The following SLC1A1 variants were observed in gnomAD, a reference collection of about 807,000 sequenced individuals.
The protein encoded by SLC1A1 is excitatory amino acid transporter 3.
SLC1A1 carries 43 observed loss-of-function variants against 53.3 expected under a neutral mutation model. The observed-to-expected ratio is 0.81, with a 90% CI of 0.63 to 1.04. The LOEUF is 1.04. Ranked by LOEUF, SLC1A1 falls within the 50% of genes least tolerant of loss-of-function variation. The probability of loss-of-function intolerance (pLI) is 0.00; values close to 1 mark genes in which losing one functional copy is unlikely to be tolerated. For missense variants in SLC1A1, 748 were observed against 664.9 expected, an observed-to-expected ratio of 1.12 and a Z score of -1.37; for synonymous variants, 307 against 243.2, an observed-to-expected ratio of 1.26 and a Z score of -2.44.
At chr9:4,538,111 A>C (rs948688442) in intron 1 of SLC1A1, among the ~76,000 whole-genome samples, 1 of 152,200 alleles carries the variant, frequency 6.6e-6, no homozygotes, top group Non-Finnish European at 1.5e-5. Context: ...GACAGGTCTC[A>C]GTTAATTAAG....
intron 2 of SLC1A1, chr9:4,560,086 T>C (rs1471047867): frequency 6.6e-6 from 1 of 152,238 alleles, no homozygotes; most frequent in Non-Finnish European, 1.5e-5. Context: ...TGATCGTAAG[T>C]CTCTGACATT....
At chr9:4,536,073 C>T (rs964930342) in intron 1 of SLC1A1, among the ~76,000 whole-genome samples, 10 of 152,134 alleles carry the variant, frequency 6.6e-5, no homozygotes, top group Non-Finnish European at 1.5e-5. Context: ...AAATGTTAGA[C>T]CTAAAACCAT....
intron 6 of SLC1A1, among the ~76,000 whole-genome samples, chr9:4,570,924 A>C (rs1290107564): frequency 6.6e-6 from 1 of 152,062 alleles, no homozygotes; most frequent in East Asian, 1.9e-4. Flanking sequence ...TTAAAAAAAA[A>C]AAAAAGGTAA....
intron 1 of SLC1A1, among the ~76,000 whole-genome samples, chr9:4,534,309 G>C (rs907088235): frequency 6.6e-6 from 1 of 152,160 alleles, no homozygotes; most frequent in East Asian, 1.9e-4. Context: ...TTGATAGACT[G>C]CTAGCAAGAG....
intron 1 of SLC1A1, among the ~76,000 whole-genome samples, chr9:4,533,894 G>A (rs2130858377): frequency 6.6e-6 from 1 of 152,284 alleles, no homozygotes; most frequent in East Asian, 1.9e-4. Flanking sequence ...TAGAACTCAG[G>A]ATTGAGAAAC....
chr9:4,491,360 G>T (rs796996579), intron 1 of SLC1A1, among the ~76,000 whole-genome samples: 61 of 152,346 alleles, frequency 4.0e-4, no homozygotes, highest in African/African-American at 1.4e-3. Flanking sequence ...GCTCTGAAAA[G>T]CTGCCAGATT....
At chr9:4,535,457 A>T (rs1816639444) in intron 1 of SLC1A1, among the ~76,000 whole-genome samples, 1 of 152,214 alleles carries the variant, frequency 6.6e-6, no homozygotes, top group Non-Finnish European at 1.5e-5. Flanking sequence ...TCCCATTCAC[A>T]ATTGCTTCAA....
intron 6 of SLC1A1, 98 bp from the exon 7 acceptor site, chr9:4,572,106 T>C (rs1336443776): frequency 5.8e-6 from 6 of 1,027,776 alleles, no homozygotes; most frequent in African/African-American, 1.6e-5. Context: ...ATCACCAGTT[T>C]ATTATGTTTG....
rs564964253 is a variant in SLC1A1, at chr9:4,556,917, CACA to C, written c.233-4518_233-4516del. On this transcript the variant is annotated intron_variant, in intron 2 of 11. Transcript: ENST00000262352. This position sits in a 1 kb window ranked among gnomAD's most constrained non-coding sequence, Gnocchi z 4.1. ...AAAACGGCTTTGGGGGGTGGTTTTG[CACA>C]ACAACAACAACAATAAAACAAGGTT... Among the ~76,000 whole-genome samples the C allele has an allele frequency of 1.3e-3, 198 of 152,078 alleles. No individual in the cohort carries two copies. Among genetic ancestry groups the C allele is most frequent in the Non-Finnish European group, 2.4e-3 (166 of 67,958 alleles).
At chr9:4,496,010 G>A (rs1486760536) in intron 1 of SLC1A1, among the ~76,000 whole-genome samples, 1 of 152,202 alleles carries the variant, frequency 6.6e-6, no homozygotes, top group African/African-American at 2.4e-5. Context: ...GTGCTCAGGA[G>A]ACAAATGTGG....
At chr9:4,568,337 G>T (rs1819681603) in intron 6 of SLC1A1, among the ~76,000 whole-genome samples, 1 of 151,462 alleles carries the variant, frequency 6.6e-6, no homozygotes, top group Non-Finnish European at 1.5e-5. Context: ...AGGATTGCTT[G>T]TTCCAGGGAA....
Position 4,517,601 on chromosome 9 carries a change from A to T in SLC1A1, c.91+26831A>T, listed in dbSNP as rs1815898106. On this transcript the variant is annotated intron_variant, in intron 1 of 11. Coordinates refer to ENST00000262352, the MANE Select transcript of SLC1A1 (RefSeq NM_004170.6). ...CCCTCTTCTGTTATTGTGTACCAGAATGAAAGATGACAGCCAGGAGGAAGT... is the reference window on the plus strand; with the variant it reads ...CCCTCTTCTGTTATTGTGTACCAGATTGAAAGATGACAGCCAGGAGGAAGT... Among the ~76,000 whole-genome samples, 9 of 152,246 alleles carry T rather than the reference A, an allele frequency of 5.9e-5. No individual in the cohort carries two copies. The South Asian group carries it at 1.9e-3, about 32-fold the overall frequency.
At chr9:4,509,872 C>T (rs141962566) in intron 1 of SLC1A1, among the ~76,000 whole-genome samples, 1 of 152,238 alleles carries the variant, frequency 6.6e-6, no homozygotes, top group African/African-American at 2.4e-5. Flanking sequence ...CTTGCTCTGT[C>T]CCCCAGGCTG....
chr9:4,500,330 A>G (rs1208995011), intron 1 of SLC1A1, among the ~76,000 whole-genome samples: 1 of 152,022 alleles, frequency 6.6e-6, no homozygotes, highest in Admixed American at 6.6e-5. Flanking sequence ...TTATTTTGAG[A>G]CAGAGTCTCA....
At chr9:4,500,612 A>T (rs1254395504) in intron 1 of SLC1A1, among the ~76,000 whole-genome samples, 1 of 152,144 alleles carries the variant, frequency 6.6e-6, no homozygotes, top group Non-Finnish European at 1.5e-5. Context: ...CACTGCGCCC[A>T]AGAAACTGAT....
At chr9:4,578,967 C>G (rs1564065344) in intron 10 of SLC1A1, among the ~76,000 whole-genome samples, 1 of 152,206 alleles carries the variant, frequency 6.6e-6, no homozygotes, top group Non-Finnish European at 1.5e-5. Flanking sequence ...TTAATTCATT[C>G]TTGTGTCCCA....
intron 1 of SLC1A1, among the ~76,000 whole-genome samples, chr9:4,494,669 T>C (rs1041769810): frequency 4.0e-5 from 6 of 151,274 alleles, no homozygotes; most frequent in Non-Finnish European, 8.8e-5. Context: ...TATATAAATA[T>C]AATTTAAGTA....
At chr9:4,581,910 C>G (rs1181383469) in intron 10 of SLC1A1, among the ~76,000 whole-genome samples, 1 of 152,224 alleles carries the variant, frequency 6.6e-6, no homozygotes, top group Non-Finnish European at 1.5e-5. Flanking sequence ...GTAGAATCAG[C>G]TTCCTAAGAA....
intron 1 of SLC1A1, among the ~76,000 whole-genome samples, chr9:4,513,026 G>GA (rs1226426465): frequency 6.7e-5 from 10 of 149,652 alleles, no homozygotes; most frequent in South Asian, 2.1e-4. Context: ...ATCATATGCA[G>GA]AAAAAAAAAT....
Sources: gnomAD v4.1 joint callset for allele counts (sites outside exome capture counted in the v4.1 genomes callset) on GRCh38, gnomAD v4.1.1 for gene constraint, Gnocchi (gnomAD v3.1) non-coding constraint, MANE v1.5 for transcripts, NCBI Gene and HGNC (gene_info 2026-07-23, HGNC 2026-07-21) for gene names.